FAS: variants seen among roughly 807,000 people sequenced by gnomAD.
FAS encodes Fas cell surface death receptor.
Under a neutral mutation model 33.2 loss-of-function variants are expected in FAS, and 5 were observed. That is an observed-to-expected ratio of 0.15 (90% CI 0.08 to 0.32). The LOEUF is 0.32. FAS is among the 10% of genes least tolerant of loss of function. FAS has a pLI of 1.00. For synonymous variants in FAS, 131 were observed against 130.7 expected, an observed-to-expected ratio of 1.00 and a Z score of -0.01; for missense variants, 339 against 386.0, an observed-to-expected ratio of 0.88 and a Z score of 1.02.
At position 88,965,530 on chromosome 10, in the gene FAS, G is replaced by A. The variant is rs1589411400; in HGVS notation, n.95-7652G>A. On this transcript the variant is annotated intron_variant and non_coding_transcript_variant, in intron 1 of 3. Transcript: ENST00000688239. ...CCCTATTTTCCTTAAGCAGCACGCG[G>A]CTGCCTAGTGTACTTGCCTTAGGAG... 2.6e-5 allele frequency among the ~76,000 whole-genome samples: 4 copies of A among 152,294 alleles called. No homozygotes were observed. In the East Asian group the frequency reaches 7.7e-4, roughly 29 times the overall value.
chr10:89,013,999 C>A, intron 8 of FAS, 120 bp from the exon 9 acceptor site: 1 of 1,038,446 alleles, frequency 9.6e-7, no homozygotes, highest in Non-Finnish European at 1.4e-6. Flanking sequence ...GTCAGCTCTT[C>A]ATAGACCTTT....
chr10:88,982,969 A>G (rs1315966188), upstream of FAS, among the ~76,000 whole-genome samples: 1 of 152,168 alleles, frequency 6.6e-6, no homozygotes, highest in Non-Finnish European at 1.5e-5. Flanking sequence ...TTGCTACTTC[A>G]TGTGTCCTTT....
At chr10:88,998,262 T>C (rs555295645) in intron 1 of FAS, among the ~76,000 whole-genome samples, 1 of 152,002 alleles carries the variant, frequency 6.6e-6, no homozygotes, top group Admixed American at 6.6e-5. Context: ...TCTGTTTGTA[T>C]GTGTGTCCAA....
chr10:89,006,471 C>T (rs1426820149), intron 2 of FAS, among the ~76,000 whole-genome samples: 1 of 152,174 alleles, frequency 6.6e-6, no homozygotes, highest in Admixed American at 6.5e-5. Context: ...CTAGGAAACA[C>T]AGCAGAAATT....
rs1848715619 is a variant in FAS at position 89,014,800 on chromosome 10, A to G, written c.*350A>G. The stretch of plus-strand genomic sequence containing the variant: ...TATGTTAGTACAAATGTCTATCCAC[A>G]GGCTAACCCCACTCTATGAATCAAT... On this transcript the variant is annotated 3_prime_UTR_variant, in exon 9 of 9. Coordinates refer to ENST00000652046, the MANE Select transcript of FAS (RefSeq NM_000043.6). The G allele has an allele frequency of 5.4e-6, 3 of 550,842 alleles. No homozygotes were observed. Among genetic ancestry groups the G allele is most frequent in the South Asian group, 3.1e-5 (2 of 65,324 alleles). 34.1% of individuals were successfully genotyped at this position (550,842 alleles called of 1,614,324 possible). A position where few individuals can be genotyped will look rare whatever the true frequency, so the allele number is the denominator to read the frequency against.
chr10:88,998,347 CA>C lies in FAS; in HGVS notation c.31-4667del, dbSNP rs3074154. Among the ~76,000 whole-genome samples, 391 of 141,708 alleles carry C rather than the reference CA, an allele frequency of 2.8e-3. 4 individuals carry two copies. Among genetic ancestry groups the C allele is most frequent in the Middle Eastern group, 7.2e-3 (2 of 278 alleles). The allele number at this position is 141,708 out of a possible 152,430, so 93.0% of individuals were successfully genotyped here. The stretch of plus-strand genomic sequence containing the variant: ...TTATATAGCTTTAGTTAAAAAAAAG[CA>C]AAAAAAAAAAAAAATCAAAACAAAA... On this transcript the variant is annotated intron_variant, in intron 1 of 8. Coordinates refer to ENST00000652046, the MANE Select transcript of FAS (RefSeq NM_000043.6).
intron 2 of FAS, among the ~76,000 whole-genome samples, chr10:88,979,205 G>T (rs567549613): frequency 6.6e-6 from 1 of 152,008 alleles, no homozygotes; most frequent in Non-Finnish European, 1.5e-5. Flanking sequence ...GTGTATGAGC[G>T]TAGGGATCTG....
chr10:88,990,382 C>A, upstream of FAS: 1 of 425,650 alleles, frequency 2.3e-6, no homozygotes, highest in Non-Finnish European at 4.5e-6. This position sits in a 1 kb window ranked among gnomAD's most constrained non-coding sequence, Gnocchi z 4.9. Flanking sequence ...GGTTGAACTA[C>A]AGCAGAAGCC....
chr10:89,005,410 T>A (rs1372829956), intron 2 of FAS, among the ~76,000 whole-genome samples: 1 of 152,128 alleles, frequency 6.6e-6, no homozygotes, highest in Non-Finnish European at 1.5e-5. Flanking sequence ...AAATTGACAT[T>A]TTTGATTAAA....
intron 4 of FAS, among the ~76,000 whole-genome samples, chr10:89,010,109 C>T (rs1390634015): frequency 1.3e-5 from 2 of 152,210 alleles, no homozygotes; most frequent in East Asian, 3.8e-4. Flanking sequence ...TGAGTACCCT[C>T]CCTGAGCTAC....
At chr10:88,999,507 A>G (rs1256201385) in intron 1 of FAS, among the ~76,000 whole-genome samples, 1 of 152,202 alleles carries the variant, frequency 6.6e-6, no homozygotes, top group Non-Finnish European at 1.5e-5. Flanking sequence ...TTTCAAAAAT[A>G]CTCGGTTCAA....
rs754523974 is a variant in FAS at position 89,010,587 on chromosome 10, G to C, written c.492G>C (p.Lys164Asn). The change falls in exon 5 of 9, where the codon AAG becomes AAC. Residue 164 changes from lysine to asparagine, a missense_variant. Transcript: ENST00000652046. ...AATGCACACTCACCAGCAACACCAA[G>C]TGCAAAGAGGAAGGTAATTATTTTT... ...IKECTLTSNTKCKEEGSRSNL... is the reference protein window; with the variant it reads ...IKECTLTSNTNCKEEGSRSNL... The C allele has an allele frequency of 1.9e-6, 3 of 1,613,754 alleles. No individual in the cohort carries two copies. Among genetic ancestry groups the C allele is most frequent in the Non-Finnish European group, 2.5e-6 (3 of 1,179,848 alleles).
chr10:88,981,388 T>C (rs1846707411), intron 2 of FAS, among the ~76,000 whole-genome samples: 1 of 151,966 alleles, frequency 6.6e-6, no homozygotes, highest in African/African-American at 2.4e-5. Context: ...AATGACTTTT[T>C]TTTTTTAAAG....
chr10:88,965,628 C>G (rs1208047376), intron 1 of FAS, among the ~76,000 whole-genome samples: 3 of 150,936 alleles, frequency 2.0e-5, no homozygotes, highest in Non-Finnish European at 4.4e-5. Context: ...CTCGGGCAAA[C>G]AGGTTGAACC....
upstream of FAS, among the ~76,000 whole-genome samples, chr10:88,987,829 A>G (rs1846949485): frequency 6.6e-6 from 1 of 152,190 alleles, no homozygotes; most frequent in African/African-American, 2.4e-5. Context: ...ACTATCTTAG[A>G]TGTTTCTGTA....
intron 1 of FAS, among the ~76,000 whole-genome samples, chr10:88,996,968 C>A (rs1361145498): frequency 6.6e-6 from 1 of 152,148 alleles, no homozygotes; most frequent in Admixed American, 6.5e-5. Flanking sequence ...CTTACATTAC[C>A]CATTTCCTCT....
At chr10:88,981,710 G>A (rs1045157287) in intron 2 of FAS, among the ~76,000 whole-genome samples, 7 of 152,088 alleles carry the variant, frequency 4.6e-5, no homozygotes, top group Non-Finnish European at 7.4e-5. Flanking sequence ...TGGGGGAAAC[G>A]GTAGATAAAA....
intron 2 of FAS, among the ~76,000 whole-genome samples, chr10:89,005,132 T>G (rs1053474811): frequency 1.5e-5 from 2 of 132,912 alleles, no homozygotes; most frequent in Admixed American, 9.1e-5. Context: ...AAGCCATTCA[T>G]AGAGATTATT....
At chr10:88,989,368 T>C (rs1306550159), upstream of FAS, 12 of 325,542 alleles carry the variant, frequency 3.7e-5, no homozygotes, top group Non-Finnish European at 6.2e-6. Context: ...AATGAACTTT[T>C]CATTTTGGAA....
Sources: gnomAD v4.1 joint callset for allele counts (sites outside exome capture counted in the v4.1 genomes callset) on GRCh38, gnomAD v4.1.1 for gene constraint, Gnocchi (gnomAD v3.1) non-coding constraint, MANE v1.5 for transcripts, NCBI Gene and HGNC (gene_info 2026-07-23, HGNC 2026-07-21) for gene names.